The following ASMT variants were observed in gnomAD, a reference collection of about 807,000 sequenced individuals.
ASMT encodes the protein acetylserotonin N-methyltransferase.
ASMT carries 53 observed loss-of-function variants against 41.3 expected under a neutral mutation model. The observed-to-expected ratio is 1.28, with a 90% CI of 1.03 to 1.61. The LOEUF is 1.61. Ranked by LOEUF, ASMT falls within the 40% of genes most tolerant of loss-of-function variation. ASMT has a pLI of 0.00. For missense variants in ASMT, 531 were observed against 441.3 expected (o/e 1.20, Z -1.82); for synonymous variants, 231 against 184.8 (o/e 1.25, Z -2.03).
In ASMT at chrX:1,642,874, T is replaced by G; in HGVS notation, c.982T>G (p.Ser328Ala). Residue 328 changes from serine (S) to alanine (A), a missense_variant, in exon 9 of 9, where the codon TCT becomes GCT. Physicochemically the swap from Ser to Ala is moderately conservative, Grantham distance 99. Coordinates refer to ENST00000381241, the MANE Select transcript of ASMT (RefSeq NM_001171038.2). ...RRGPLLTQLY[S>A]LNMLVQTEGQ... ...AGGTCCTCTGCTCACGCAGCTCTACTCTCTGAACATGCTTGTGCAGACGGA... is the reference window on the plus strand; with the variant it reads ...AGGTCCTCTGCTCACGCAGCTCTACGCTCTGAACATGCTTGTGCAGACGGA... 1.2e-6 allele frequency: 2 copies of G among 1,613,930 alleles called. No individual in the cohort carries two copies. The highest frequency in any genetic ancestry group is 1.7e-4 in the Middle Eastern group (1 of 6,056).
At chrX:1,619,410 A>T (rs1934255733) in intron 1 of ASMT, among the ~76,000 whole-genome samples, 1 of 148,762 alleles carries the variant, frequency 6.7e-6, no homozygotes, top group Non-Finnish European at 1.5e-5. Context: ...AAAAAAAAAA[A>T]GTGGGGGCTG....
At position 1,627,698 on chromosome X, in the gene ASMT, C is replaced by T; in HGVS notation, c.375-5C>T. 1 of 1,611,368 alleles carries T rather than the reference C, an allele frequency of 6.2e-7. No homozygotes were observed. Among genetic ancestry groups the T allele is most frequent in the African/African-American group, 1.3e-5 (1 of 74,974 alleles). ...TGAAAATCAGCCTTCTCTCTCTTTT[C>T]TTAGAGAAGGAAGGAACCAGTACCT... On this transcript the variant is annotated splice_region_variant and splice_polypyrimidine_tract_variant and intron_variant, in intron 3 of 8. Coordinates refer to ENST00000381241, the MANE Select transcript of ASMT (RefSeq NM_001171038.2).
intron 8 of ASMT, among the ~76,000 whole-genome samples, chrX:1,641,529 T>TGTGTGA (rs369899486): frequency 1.6e-5 from 2 of 122,500 alleles, no homozygotes; most frequent in Non-Finnish European, 3.4e-5. Flanking sequence ...TGTGTGTGTG[T>TGTGTGA]TGGGGACAGT....
chrX:1,615,694 T>C (rs1415621534), intron 1 of ASMT, among the ~76,000 whole-genome samples: 25 of 151,338 alleles, frequency 1.7e-4, no homozygotes, highest in Admixed American at 9.9e-4. Flanking sequence ...CCCAGCTACT[T>C]GGGAGGCTGA....
intron 8 of ASMT, 107 bp from the exon 9 acceptor site, chrX:1,642,696 G>A: frequency 1.0e-6 from 1 of 1,000,164 alleles, no homozygotes; most frequent in Non-Finnish European, 1.6e-6. Context: ...TGGGGACGGT[G>A]CCCTGACTGT....
chrX:1,633,078 A>G (rs775828591), intron 6 of ASMT, 72 bp from the exon 7 acceptor site: 5 of 1,588,076 alleles, frequency 3.1e-6, no homozygotes, highest in East Asian at 4.5e-5. Context: ...TCATGAGTCC[A>G]TGGTGTGTGG....
intron 1 of ASMT, among the ~76,000 whole-genome samples, chrX:1,615,750 C>T (rs369798470): frequency 1.3e-4 from 19 of 151,236 alleles, no homozygotes; most frequent in South Asian, 4.2e-4. Flanking sequence ...TGCAGTGAGC[C>T]GAGATCGCAC....
At chrX:1,627,630 A>G in intron 3 of ASMT, 73 bp from the exon 4 acceptor site, 2 of 1,281,616 alleles carry the variant, frequency 1.6e-6, no homozygotes. Context: ...AAACGAAATG[A>G]AACGAAATGA....
In ASMT at chrX:1,633,255, C is replaced by A; in HGVS notation, c.752C>A (p.Ser251Ter). The change falls in exon 7 of 9, where the codon TCA (serine) becomes TAA (stop). Residue 251 changes from serine to a stop codon, truncating the protein, a stop_gained. Transcript: ENST00000381241. LOFTEE classifies it high-confidence loss of function. ...GTGTGGACGGCAAAGCAGCACTTCT[C>A]ATTCCAGGAGGAAGAACAGATTGAC... is the stretch of plus-strand genomic sequence containing the variant. ...EVVWTAKQHFSFQEEEQIDFQ... is the reference protein window; with the variant it reads ...EVVWTAKQHF 4.3e-6 allele frequency: 7 copies of A among 1,613,934 alleles called. No homozygotes were observed. Among genetic ancestry groups the A allele is most frequent in the Non-Finnish European group, 5.9e-6 (7 of 1,179,862 alleles).
chrX:1,616,862 C>A (rs1209941889), intron 1 of ASMT, among the ~76,000 whole-genome samples: 17 of 151,782 alleles, frequency 1.1e-4, no homozygotes, highest in African/African-American at 3.6e-4. Flanking sequence ...GCACCCGCCA[C>A]CACGCCCGGC....
At chrX:1,618,168 T>C (rs1470266493) in intron 1 of ASMT, among the ~76,000 whole-genome samples, 1 of 151,874 alleles carries the variant, frequency 6.6e-6, no homozygotes, top group Non-Finnish European at 1.5e-5. Context: ...TTTTTATTTT[T>C]ATTTATTTTT....
chrX:1,630,336 C>T (rs1315081790), intron 5 of ASMT, among the ~76,000 whole-genome samples: 5 of 92,818 alleles, frequency 5.4e-5, no homozygotes, highest in African/African-American at 1.7e-4. Context: ...GATGAAGTGT[C>T]GCTCTGTCGC....
chrX:1,620,866 C>T (rs571755210), intron 1 of ASMT, among the ~76,000 whole-genome samples: 5 of 148,908 alleles, frequency 3.4e-5, no homozygotes, highest in South Asian at 2.1e-4. Flanking sequence ...TCCAGCCTGG[C>T]GACAGAGCGA....
chrX:1,632,845 G>A (rs1430354218), intron 6 of ASMT, 58 bp downstream of exon 6: 5 of 502,704 alleles, frequency 9.9e-6, no homozygotes, highest in African/African-American at 7.7e-5. Context: ...ACACACTGGG[G>A]CCTGTCAGGG....
intron 1 of ASMT, among the ~76,000 whole-genome samples, chrX:1,616,218 G>T (rs1291179848): frequency 5.9e-5 from 9 of 151,310 alleles, no homozygotes; most frequent in African/African-American, 2.2e-4. Context: ...TAGTAGAGAT[G>T]GGGTTTCACC....
intron 1 of ASMT, among the ~76,000 whole-genome samples, chrX:1,616,765 A>G (rs74875462): frequency 0.07 from 10,578 of 150,534 alleles, 657 homozygotes; most frequent in South Asian, 0.095. Flanking sequence ...CTGGAGTGCA[A>G]TGGCACGATC....
chrX:1,629,123 T>C (rs777280442), intron 4 of ASMT, among the ~76,000 whole-genome samples: 1 of 151,586 alleles, frequency 6.6e-6, no homozygotes, highest in Non-Finnish European at 1.5e-5. Context: ...TATGTGTATG[T>C]GAATATATGT....
intron 4 of ASMT, 52 bp from the exon 5 acceptor site, chrX:1,629,769 G>A (rs1934699242): frequency 1.3e-6 from 2 of 1,550,802 alleles, no homozygotes; most frequent in South Asian, 1.1e-5. Context: ...CCCTTGCTCT[G>A]GGCACGTCCC....
At chrX:1,616,986 G>A (rs1297680799) in intron 1 of ASMT, among the ~76,000 whole-genome samples, 53 of 152,192 alleles carry the variant, frequency 3.5e-4, no homozygotes, top group African/African-American at 1.1e-3. Context: ...GGGATTACAG[G>A]CGTGAGCCAC....
Sources: allele counts gnomAD v4.1 joint callset (sites outside exome capture counted in the v4.1 genomes callset), GRCh38; gene constraint gnomAD v4.1.1; transcripts MANE v1.5; gene names NCBI Gene and HGNC (gene_info 2026-07-23, HGNC 2026-07-21).